The following TFEC variants were observed in gnomAD, a reference collection of about 807,000 sequenced individuals.
TFEC encodes transcription factor EC, also known as class E basic helix-loop-helix protein 34.
A neutral mutation model predicts 41.6 loss-of-function variants in TFEC; 31 were observed. That is an observed-to-expected ratio of 0.74 (90% CI 0.56 to 1.01). The LOEUF is 1.01. Ranked by LOEUF, TFEC falls within the 50% of genes least tolerant of loss-of-function variation. The pLI is 0.00. For synonymous variants in TFEC, 143 were observed against 140.6 expected (o/e 1.02, Z -0.12); for missense variants, 402 against 404.1 (o/e 0.99, Z 0.04).
intron 1 of TFEC, chr7:116,112,096 T>C: frequency 1.2e-6 from 1 of 851,964 alleles, no homozygotes; most frequent in South Asian, 5.4e-5. Context: ...ATACTGTTCT[T>C]ATTTGATTCA....
intron 2 of TFEC, among the ~76,000 whole-genome samples, chr7:115,978,730 CTCA>C (rs1793495328): frequency 2.6e-5 from 4 of 152,258 alleles, no homozygotes; most frequent in Non-Finnish European, 5.9e-5. Flanking sequence ...TTTTACTAGA[CTCA>C]TCTGCTATAT....
chr7:115,962,522 C>A (rs530280613), intron 3 of TFEC, among the ~76,000 whole-genome samples: 1 of 151,528 alleles, frequency 6.6e-6, no homozygotes, highest in Non-Finnish European at 1.5e-5. Context: ...AATAGCAAGT[C>A]CAGAAATAAA....
chr7:115,978,315 C>G (rs1045171706), intron 2 of TFEC, among the ~76,000 whole-genome samples: 2 of 152,110 alleles, frequency 1.3e-5, no homozygotes, highest in African/African-American at 4.8e-5. Context: ...ATCATGAACA[C>G]GTATACACCT....
intron 1 of TFEC, among the ~76,000 whole-genome samples, chr7:116,021,703 G>A (rs1795401787): frequency 6.6e-6 from 1 of 152,158 alleles, no homozygotes; most frequent in African/African-American, 2.4e-5. Flanking sequence ...TGACAGGCAA[G>A]CCAGTCAAAT....
chr7:116,017,315 G>A (rs756191407), intron 1 of TFEC, among the ~76,000 whole-genome samples: 5 of 151,282 alleles, frequency 3.3e-5, no homozygotes, highest in Non-Finnish European at 7.4e-5. Flanking sequence ...TCTGCCTCCC[G>A]GGTTCAAGTG....
intron 3 of TFEC, among the ~76,000 whole-genome samples, chr7:116,088,889 A>G (rs1012574943): frequency 6.6e-6 from 1 of 152,070 alleles, no homozygotes; most frequent in Non-Finnish European, 1.5e-5. Context: ...AAAATGAGAC[A>G]GACAGGGAAA....
chr7:116,008,748 C>T (rs928388373), intron 1 of TFEC, among the ~76,000 whole-genome samples: 1 of 152,142 alleles, frequency 6.6e-6, no homozygotes, highest in African/African-American at 2.4e-5. Flanking sequence ...TTAAATTATA[C>T]AGTCGAGCTT....
intron 3 of TFEC, among the ~76,000 whole-genome samples, chr7:116,046,558 A>G (rs896123564): frequency 6.6e-6 from 1 of 152,192 alleles, no homozygotes; most frequent in African/African-American, 2.4e-5. Flanking sequence ...GTCTTTATCA[A>G]CAGTGTGAAA....
chr7:116,144,906 T>A (rs1041281247), intron 1 of TFEC, among the ~76,000 whole-genome samples: 2 of 152,322 alleles, frequency 1.3e-5, no homozygotes, highest in Admixed American at 6.5e-5. Flanking sequence ...CCACCAGTCA[T>A]GTGAGTCAGT....
chr7:115,959,646 T>A (rs1363432947), intron 3 of TFEC, among the ~76,000 whole-genome samples: 1 of 150,650 alleles, frequency 6.6e-6, no homozygotes, highest in Non-Finnish European at 1.5e-5. Context: ...GTAAACATAA[T>A]GACCAAAGAG....
At chr7:116,085,770 G>T (rs1797190635) in intron 3 of TFEC, among the ~76,000 whole-genome samples, 1 of 151,918 alleles carries the variant, frequency 6.6e-6, no homozygotes, top group Admixed American at 6.6e-5. Context: ...TTCACCTTTA[G>T]CTGGAACTGT....
intron 3 of TFEC, among the ~76,000 whole-genome samples, chr7:116,060,387 A>G (rs1584466608): frequency 6.6e-6 from 1 of 152,156 alleles, no homozygotes; most frequent in East Asian, 1.9e-4. Flanking sequence ...AATATAAACC[A>G]TTCTACCATA....
intron 1 of TFEC, among the ~76,000 whole-genome samples, chr7:116,016,820 T>G (rs1468415794): frequency 6.6e-6 from 1 of 152,118 alleles, no homozygotes; most frequent in Non-Finnish European, 1.5e-5. Context: ...TATACTACTA[T>G]GTACTATATC....
intron 3 of TFEC, among the ~76,000 whole-genome samples, chr7:116,073,229 C>T (rs1403130138): frequency 1.3e-5 from 2 of 151,272 alleles, no homozygotes; most frequent in African/African-American, 2.4e-5. Flanking sequence ...GAAAACAATT[C>T]CATTTACAAT....
chr7:115,951,155 C>G (rs902015476), intron 5 of TFEC, among the ~76,000 whole-genome samples: 9 of 152,004 alleles, frequency 5.9e-5, no homozygotes, highest in Non-Finnish European at 1.0e-4. Context: ...ATGATTTACA[C>G]TGTTTTAAAA....
At chr7:115,994,739 A>C (rs1794283648) in intron 1 of TFEC, among the ~76,000 whole-genome samples, 2 of 152,176 alleles carry the variant, frequency 1.3e-5, no homozygotes, top group African/African-American at 4.8e-5. Flanking sequence ...ACACTTTTAC[A>C]CTGTTGGTGG....
At chr7:116,085,388 A>T (rs1797180218) in intron 3 of TFEC, among the ~76,000 whole-genome samples, 1 of 151,904 alleles carries the variant, frequency 6.6e-6, no homozygotes, top group African/African-American at 2.4e-5. Context: ...TTTAAATAGA[A>T]ATCCCATAAA....
At chr7:115,958,326 C>T (rs761254802) in intron 3 of TFEC, among the ~76,000 whole-genome samples, 2 of 151,864 alleles carry the variant, frequency 1.3e-5, no homozygotes, top group Non-Finnish European at 2.9e-5. Context: ...CTTAGCCATA[C>T]TTTTTAAAGT....
intron 1 of TFEC, among the ~76,000 whole-genome samples, chr7:116,001,048 T>G (rs1311753072): frequency 1.3e-5 from 2 of 152,022 alleles, no homozygotes; most frequent in East Asian, 3.8e-4. Flanking sequence ...TCACATTACC[T>G]GACTTCAAAT....
Sources: gnomAD v4.1 joint callset for allele counts (sites outside exome capture counted in the v4.1 genomes callset) on GRCh38, gnomAD v4.1.1 for gene constraint, MANE v1.5 for transcripts, NCBI Gene and HGNC (gene_info 2026-07-23, HGNC 2026-07-21) for gene names.